Variants in CSMD1 observed in about 807,000 individuals in gnomAD.
CSMD1 encodes CUB and sushi domain-containing protein 1.
CSMD1 carries 213 observed loss-of-function variants against 417.5 expected under a neutral mutation model. That is an observed-to-expected ratio of 0.51 (90% CI 0.46 to 0.57). The LOEUF is 0.57. CSMD1 is among the 20% of genes least tolerant of loss of function. CSMD1 has a pLI of 0.00. For synonymous variants in CSMD1, 2,862 were observed against 1,736.8 expected, an observed-to-expected ratio of 1.65 and a Z score of -16.11; for missense variants, 6,923 against 4,529.7, an observed-to-expected ratio of 1.53 and a Z score of -15.17.
chr8:4,335,834 T>C (rs376612579), intron 3 of CSMD1, among the ~76,000 whole-genome samples: 4 of 150,992 alleles, frequency 2.6e-5, no homozygotes, highest in Non-Finnish European at 5.9e-5. Context: ...AGCCCAGGGG[T>C]TGATTGGGGT....
At chr8:3,894,952 T>A (rs906328965) in intron 5 of CSMD1, among the ~76,000 whole-genome samples, 1 of 152,198 alleles carries the variant, frequency 6.6e-6, no homozygotes, top group Non-Finnish European at 1.5e-5. Flanking sequence ...TCCAATATGA[T>A]GAATAGGGTA....
chr8:3,688,654 A>G lies in CSMD1; in HGVS notation c.1009+19760T>C, dbSNP rs376646615. 5.3e-5 allele frequency among the ~76,000 whole-genome samples: 8 copies of G among 152,344 alleles called. No homozygotes were observed. The East Asian group carries it at 7.7e-4, about 15-fold the overall frequency. On this transcript the variant is annotated intron_variant, in intron 7 of 69. Transcript: ENST00000635120. Reference sequence around the variant, plus strand: ...AATACAAATTCTAGATTTTTCAGTGAAATGAAATTTCGTGGCAGTTCTGCA... The same window carrying G: ...AATACAAATTCTAGATTTTTCAGTGGAATGAAATTTCGTGGCAGTTCTGCA...
At chr8:3,362,584 C>G (rs1305057987) in intron 20 of CSMD1, among the ~76,000 whole-genome samples, 1 of 152,164 alleles carries the variant, frequency 6.6e-6, no homozygotes, top group African/African-American at 2.4e-5. Context: ...CGATGGGTTT[C>G]CAGTATTTCT....
chr8:3,422,625 C>G (rs1000694023), intron 12 of CSMD1, among the ~76,000 whole-genome samples: 4 of 152,150 alleles, frequency 2.6e-5, no homozygotes, highest in African/African-American at 9.7e-5. Context: ...TTTTGGGAAT[C>G]AAGTGGGAAA....
intron 5 of CSMD1, among the ~76,000 whole-genome samples, chr8:3,822,388 AAAG>A (rs1462358061): frequency 2.6e-5 from 4 of 152,228 alleles, no homozygotes; most frequent in Non-Finnish European, 1.5e-5. Flanking sequence ...AAGCAGTAAA[AAAG>A]AGTCTGAAAC....
chr8:3,731,664 G>A (rs146730816), intron 6 of CSMD1, among the ~76,000 whole-genome samples: 75 of 152,284 alleles, frequency 4.9e-4, no homozygotes, highest in African/African-American at 1.7e-3. Context: ...GCTCGGTACT[G>A]GGAGGTCAGC....
chr8:3,260,620 T>A (rs1800992305), intron 26 of CSMD1, among the ~76,000 whole-genome samples: 1 of 149,768 alleles, frequency 6.7e-6, no homozygotes, highest in African/African-American at 2.5e-5. Flanking sequence ...ATGGCTCCAG[T>A]GCTTAGGGAG....
At chr8:3,726,891 A>G (rs989042532) in intron 6 of CSMD1, among the ~76,000 whole-genome samples, 1 of 152,234 alleles carries the variant, frequency 6.6e-6, no homozygotes, top group South Asian at 2.1e-4. Context: ...GTTAAAAAAC[A>G]TGAGGAAATA....
intron 5 of CSMD1, among the ~76,000 whole-genome samples, chr8:3,991,108 G>A (rs940157): frequency 6.6e-6 from 1 of 152,124 alleles, no homozygotes; most frequent in Admixed American, 6.5e-5. Flanking sequence ...CTGGCCACGA[G>A]CCGAGAGAAA....
chr8:4,677,321 T>C (rs1805760044), intron 1 of CSMD1, among the ~76,000 whole-genome samples: 1 of 151,790 alleles, frequency 6.6e-6, no homozygotes, highest in Non-Finnish European at 1.5e-5. Context: ...CAATATACAA[T>C]TAGTTTATCA....
intron 1 of CSMD1, among the ~76,000 whole-genome samples, chr8:4,850,238 G>C (rs1801386605): frequency 6.6e-6 from 1 of 152,080 alleles, no homozygotes; most frequent in Non-Finnish European, 1.5e-5. Context: ...TGAGCTCCAA[G>C]AGTACTTTCT....
At chr8:3,769,300 A>G (rs1003583025) in intron 5 of CSMD1, among the ~76,000 whole-genome samples, 1 of 152,118 alleles carries the variant, frequency 6.6e-6, no homozygotes, top group Non-Finnish European at 1.5e-5. Context: ...AGTGGTCTTT[A>G]GTTAAAATCA....
chr8:4,077,228 G>T, intron 3 of CSMD1, among the ~76,000 whole-genome samples: 1 of 146,090 alleles, frequency 6.8e-6, no homozygotes, highest in African/African-American at 2.6e-5. Context: ...GTGAATTTCA[G>T]CTACTCCATT....
rs116516548 is a variant in CSMD1, at chr8:3,265,908, C to T, written c.4153+18236G>A. ...AGCTTCTCCATCTCCTTGGAGGCCA[C>T]AAGCAGGAAATTCAGCACTTGGCCA... On this transcript the variant is annotated intron_variant, in intron 26 of 69. Transcript: ENST00000635120. Among the ~76,000 whole-genome samples, 874 of 151,948 alleles carry T rather than the reference C, an allele frequency of 5.8e-3. 4 individuals are homozygous for T. Among genetic ancestry groups the T allele is most frequent in the African/African-American group, 0.02 (811 of 41,456 alleles).
Position 4,039,555 on chromosome 8 carries a change from C to T in CSMD1, c.416-7456G>A, listed in dbSNP as rs192114420. ...TATGACAAAAGCAATGAGGACCTCC[C>T]AGGAGGTGGCAGTCATTGAATGCCT... On this transcript the variant is annotated intron_variant, in intron 3 of 69. Coordinates refer to ENST00000635120, the MANE Select transcript of CSMD1 (RefSeq NM_033225.6). Among the ~76,000 whole-genome samples the T allele has an allele frequency of 3.9e-4, 59 of 152,248 alleles. No individual in the cohort carries two copies. In the East Asian group the frequency reaches 4.1e-3, roughly 10 times the overall value.
intron 1 of CSMD1, among the ~76,000 whole-genome samples, chr8:4,944,551 T>C (rs4875416): frequency 0.51 from 77,952 of 151,986 alleles, 21,252 homozygotes; most frequent in East Asian, 0.79. Context: ...AAAAGGAGTC[T>C]ACAGTCCACC....
At chr8:4,566,905 A>AACTCAATTT (rs1269445990) in intron 2 of CSMD1, among the ~76,000 whole-genome samples, 9 of 152,126 alleles carry the variant, frequency 5.9e-5, no homozygotes, top group East Asian at 3.9e-4. Context: ...CAATGAGAAA[A>AACTCAATTT]AGTCAATTCA....
chr8:3,914,477 A>G (rs1808677784), intron 5 of CSMD1, among the ~76,000 whole-genome samples: 3 of 152,192 alleles, frequency 2.0e-5, no homozygotes, highest in Non-Finnish European at 4.4e-5. Flanking sequence ...TCATGTTTTG[A>G]GTAAGGACAG....
At chr8:4,776,845 G>A (rs1054454322) in intron 1 of CSMD1, among the ~76,000 whole-genome samples, 1 of 152,140 alleles carries the variant, frequency 6.6e-6, no homozygotes, top group African/African-American at 2.4e-5. Flanking sequence ...TGATTCTGGA[G>A]CTTCCATAAA....
Sources: gnomAD v4.1 joint callset for allele counts (sites outside exome capture counted in the v4.1 genomes callset) on GRCh38, gnomAD v4.1.1 for gene constraint, MANE v1.5 for transcripts, NCBI Gene and HGNC (gene_info 2026-07-23, HGNC 2026-07-21) for gene names.